Variants in RNLS observed in about 807,000 individuals in gnomAD.
The protein encoded by RNLS is renalase.
RNLS carries 39 observed loss-of-function variants against 39.8 expected under a neutral mutation model. That is an observed-to-expected ratio of 0.98 (90% CI 0.76 to 1.28). The LOEUF (loss-of-function observed/expected upper bound fraction) is 1.28, where lower values mean the gene tolerates loss of function less well. Among genes scored for constraint, RNLS ranks in the 50% most tolerant of loss-of-function variants. RNLS has a pLI of 0.00. For synonymous variants in RNLS, 147 were observed against 150.7 expected, an observed-to-expected ratio of 0.98 and a Z score of 0.18; for missense variants, 410 against 413.3, an observed-to-expected ratio of 0.99 and a Z score of 0.07.
chr10:88,452,244 A>C (rs2133899977), intron 4 of RNLS, among the ~76,000 whole-genome samples: 1 of 152,312 alleles, frequency 6.6e-6, no homozygotes, highest in South Asian at 2.1e-4. Flanking sequence ...GTCTAGTACA[A>C]AGATCATATC....
At chr10:88,549,652 A>G (rs946690232) in intron 4 of RNLS, among the ~76,000 whole-genome samples, 1 of 152,188 alleles carries the variant, frequency 6.6e-6, no homozygotes, top group Non-Finnish European at 1.5e-5. Flanking sequence ...TTAAAGTAGA[A>G]GAATGCCACA....
intron 4 of RNLS, among the ~76,000 whole-genome samples, chr10:88,513,416 T>C (rs1846246366): frequency 6.6e-6 from 1 of 152,116 alleles, no homozygotes; most frequent in Admixed American, 6.6e-5. Context: ...ATTATAAAAG[T>C]TTTCAAATGT....
chr10:88,326,089 T>G (rs1164272829), intron 5 of RNLS, among the ~76,000 whole-genome samples: 5 of 152,216 alleles, frequency 3.3e-5, no homozygotes, highest in Admixed American at 1.3e-4. Context: ...AGTTACCCAG[T>G]CTTGGGTATG....
intron 4 of RNLS, among the ~76,000 whole-genome samples, chr10:88,554,205 T>G (rs1227673713): frequency 3.9e-5 from 6 of 152,116 alleles, no homozygotes; most frequent in Admixed American, 2.0e-4. Context: ...GGGCATGTTA[T>G]TCTATGTTCT....
At chr10:88,569,414 A>T (rs1176664568) in intron 4 of RNLS, among the ~76,000 whole-genome samples, 1 of 152,102 alleles carries the variant, frequency 6.6e-6, no homozygotes, top group Admixed American at 6.6e-5. Flanking sequence ...ATTAGATTGG[A>T]CTTCCCAGAC....
chr10:88,265,323 C>CTTTTTTT, the RNLS span, among the ~76,000 whole-genome samples: 6 of 59,064 alleles, frequency 1.0e-4, no homozygotes, highest in African/African-American at 1.3e-4. Flanking sequence ...CAGGGTTTTT[C>CTTTTTTT]TTTTTTTTTT....
downstream of RNLS, among the ~76,000 whole-genome samples, chr10:88,282,699 T>C (rs1397872979): frequency 2.0e-5 from 3 of 152,068 alleles, no homozygotes; most frequent in Non-Finnish European, 4.4e-5. Flanking sequence ...GGTCTGGGAT[T>C]ACTGCTGCTT....
chr10:88,210,139 A>G, the RNLS span, among the ~76,000 whole-genome samples: 1 of 152,174 alleles, frequency 6.6e-6, no homozygotes, highest in Non-Finnish European at 1.5e-5. Context: ...ATTCCCTGTC[A>G]TTACTTTATA....
chr10:88,581,558 T>C lies in RNLS; in HGVS notation c.367+9A>G. On this transcript the variant is annotated intron_variant, in intron 3 of 6. Transcript: ENST00000331772. ...TTTAAAATTTAGGCAGAGAAAATCTTACTCCCACCTGATTCTTTCAAGTAA... is the reference window on the plus strand; with the variant it reads ...TTTAAAATTTAGGCAGAGAAAATCTCACTCCCACCTGATTCTTTCAAGTAA... 6.3e-7 allele frequency: 1 copy of C among 1,583,012 alleles called. No homozygotes were observed. Among genetic ancestry groups the C allele is most frequent in the Non-Finnish European group, 8.6e-7 (1 of 1,168,400 alleles).
chr10:88,517,504 AT>A (rs1589940156), intron 4 of RNLS, among the ~76,000 whole-genome samples: 2 of 151,914 alleles, frequency 1.3e-5, no homozygotes, highest in East Asian at 3.9e-4. Flanking sequence ...TTACTTTGAT[AT>A]TTATTTTACA....
intron 4 of RNLS, among the ~76,000 whole-genome samples, chr10:88,395,772 A>G (rs774969313): frequency 1.3e-4 from 20 of 152,122 alleles, no homozygotes; most frequent in Non-Finnish European, 2.5e-4. Context: ...AAAATCAGAG[A>G]GATTCATACC....
chr10:88,347,026 T>A (rs1467014486), intron 5 of RNLS, among the ~76,000 whole-genome samples: 1 of 152,180 alleles, frequency 6.6e-6, no homozygotes, highest in Non-Finnish European at 1.5e-5. Flanking sequence ...GGGATAATGT[T>A]GTCATGGTCC....
chr10:88,503,523 T>C (rs989188611), intron 4 of RNLS, among the ~76,000 whole-genome samples: 4 of 152,178 alleles, frequency 2.6e-5, no homozygotes, highest in African/African-American at 7.2e-5. Context: ...AACAGATTTA[T>C]AACCTGGAAC....
At chr10:88,225,208 C>T in the RNLS span, among the ~76,000 whole-genome samples, 3 of 152,212 alleles carry the variant, frequency 2.0e-5, no homozygotes, top group African/African-American at 7.2e-5. Flanking sequence ...CGAGTGTACA[C>T]ATACAGCTGC....
Position 88,582,325 on chromosome 10 carries a change from GA to G in RNLS, c.119-19del. The G allele has an allele frequency of 6.3e-7, 1 of 1,597,202 alleles. No homozygotes were observed. Among genetic ancestry groups the G allele is most frequent in the South Asian group, 1.1e-5 (1 of 89,840 alleles). ...TCTTCCCCCTTGAATTAATCCACAG[GA>G]AAATGTCTTACTGCATGACAATGAG... is the stretch of plus-strand genomic sequence containing the variant. On this transcript the variant is annotated intron_variant, in intron 1 of 6. Transcript: ENST00000331772.
chr10:88,415,990 TTC>T (rs1251172935), intron 4 of RNLS, among the ~76,000 whole-genome samples: 3 of 152,298 alleles, frequency 2.0e-5, no homozygotes, highest in Admixed American at 2.0e-4. Context: ...ACTTTCAGTG[TTC>T]TGATGGCAGT....
the RNLS span, among the ~76,000 whole-genome samples, chr10:88,186,792 C>T: frequency 1.7e-4 from 26 of 151,958 alleles, no homozygotes; most frequent in East Asian, 4.4e-3. Context: ...ATCAGAAGCC[C>T]GAAATATTCC....
At chr10:88,278,269 C>A (rs1338282058) in intron 6 of RNLS, among the ~76,000 whole-genome samples, 1 of 151,898 alleles carries the variant, frequency 6.6e-6, no homozygotes, top group Non-Finnish European at 1.5e-5. Context: ...ATTCAGTTTT[C>A]TGACAGTCTT....
the RNLS span, among the ~76,000 whole-genome samples, chr10:88,221,224 T>G: frequency 1.3e-5 from 2 of 152,232 alleles, no homozygotes; most frequent in African/African-American, 4.8e-5. Context: ...CACCAAGGTT[T>G]AGCCTAGCCA....
Sources: allele counts gnomAD v4.1 joint callset (sites outside exome capture counted in the v4.1 genomes callset), GRCh38; gene constraint gnomAD v4.1.1; transcripts MANE v1.5; gene names NCBI Gene and HGNC (gene_info 2026-07-23, HGNC 2026-07-21).